The following GDAP1 variants were observed in gnomAD, a reference collection of about 807,000 sequenced individuals.
The protein encoded by GDAP1 is ganglioside-induced differentiation-associated protein 1.
Under a neutral mutation model 40.1 loss-of-function variants are expected in GDAP1, and 34 were observed. The observed-to-expected ratio is 0.85, with a 90% CI of 0.64 to 1.13. GDAP1 has a LOEUF of 1.13. Ranked by LOEUF, GDAP1 falls within the 50% of genes most tolerant of loss-of-function variation. GDAP1 has a pLI of 0.00. For synonymous variants in GDAP1, 170 were observed against 157.4 expected, an observed-to-expected ratio of 1.08 and a Z score of -0.60; for missense variants, 374 against 433.7, an observed-to-expected ratio of 0.86 and a Z score of 1.22.
At chr8:74,447,288 A>C (rs1806241354) in intron 2 of GDAP1, among the ~76,000 whole-genome samples, 1 of 152,124 alleles carries the variant, frequency 6.6e-6, no homozygotes, top group South Asian at 2.1e-4. Context: ...CTTTCTCATT[A>C]ACAAAATTAT....
At chr8:74,372,645 C>G (rs1809774486) in intron 2 of GDAP1, among the ~76,000 whole-genome samples, 1 of 152,102 alleles carries the variant, frequency 6.6e-6, no homozygotes, top group Non-Finnish European at 1.5e-5. Context: ...TGTTTGAGTT[C>G]TTTGTAGATT....
intron 2 of GDAP1, among the ~76,000 whole-genome samples, chr8:74,459,471 G>T (rs1250190208): frequency 6.6e-6 from 1 of 152,128 alleles, no homozygotes; most frequent in Non-Finnish European, 1.5e-5. Flanking sequence ...GTTTTGTCTG[G>T]GATTCTGCAT....
At chr8:74,386,322 G>T (rs1269544085) in intron 2 of GDAP1, among the ~76,000 whole-genome samples, 1 of 152,164 alleles carries the variant, frequency 6.6e-6, no homozygotes, top group African/African-American at 2.4e-5. Flanking sequence ...GTGATTTTAG[G>T]TCTTATGTTT....
intron 2 of GDAP1, among the ~76,000 whole-genome samples, chr8:74,442,674 A>G (rs1026036699): frequency 3.9e-5 from 6 of 152,216 alleles, no homozygotes; most frequent in African/African-American, 1.4e-4. Flanking sequence ...TTATGACTGA[A>G]GTCTTTAAGT....
At chr8:74,373,873 G>C (rs187020698) in intron 2 of GDAP1, among the ~76,000 whole-genome samples, 7 of 152,222 alleles carry the variant, frequency 4.6e-5, no homozygotes, top group African/African-American at 1.4e-4. Flanking sequence ...TGTCCATTCA[G>C]TATGATATTG....
intron 2 of GDAP1, among the ~76,000 whole-genome samples, chr8:74,438,389 G>A (rs1806119940): frequency 6.6e-6 from 1 of 152,154 alleles, no homozygotes; most frequent in African/African-American, 2.4e-5. Flanking sequence ...CTGTGTATGA[G>A]AATTTGACTT....
chr8:74,350,704 C>A, intron 1 of GDAP1, 126 bp downstream of exon 1: 1 of 750,650 alleles, frequency 1.3e-6, no homozygotes, highest in Non-Finnish European at 2.4e-6. Context: ...TGACCCCGGG[C>A]AGGCGCTCCC....
intron 2 of GDAP1, among the ~76,000 whole-genome samples, chr8:74,391,705 C>T (rs917397831): frequency 1.1e-4 from 17 of 152,022 alleles, no homozygotes; most frequent in African/African-American, 4.1e-4. Context: ...GTTAATATTA[C>T]TGGTTAATTT....
chr8:74,392,949 T>C (rs1220096217), intron 2 of GDAP1, among the ~76,000 whole-genome samples: 1 of 152,212 alleles, frequency 6.6e-6, no homozygotes, highest in Non-Finnish European at 1.5e-5. Flanking sequence ...TTTGGCAGTT[T>C]GTTACAGAAG....
In GDAP1 at chr8:74,429,835, G is replaced by T. The variant is rs141253205; in HGVS notation, c.166-58843G>T. Among the ~76,000 whole-genome samples the T allele has an allele frequency of 7.4e-4, 112 of 152,134 alleles. 3 individuals carry two copies. The South Asian group carries it at 0.022, about 30-fold the overall frequency. ...ATGTATGTACAGTCAATAAAGGAAA[G>T]AATATAATATTTTTAATTATATTTA... On this transcript the variant is annotated intron_variant, in intron 2 of 2. Transcript: ENST00000523640.
downstream of GDAP1, among the ~76,000 whole-genome samples, chr8:74,369,691 CATTT>C (rs1809715907): frequency 6.6e-6 from 1 of 151,702 alleles, no homozygotes; most frequent in African/African-American, 2.4e-5. Flanking sequence ...GATGAAAAAA[CATTT>C]ACTTACTCGT....
At position 74,360,164 on chromosome 8, in the gene GDAP1, A is replaced by G. The variant is rs1290008555; in HGVS notation, c.338A>G (p.Lys113Arg). 5.0e-6 allele frequency: 8 copies of G among 1,613,552 alleles called. No individual in the cohort carries two copies. Among genetic ancestry groups the G allele is most frequent in the Non-Finnish European group, 6.8e-6 (8 of 1,179,552 alleles). ...AGAACACCCAGGTTAATGCCTGATA[A>G]AGAAAGCATGTATTACCCACGGGTA... ...DERTPRLMPD[K>R]ESMYYPRVQH... The change falls in exon 3 of 6, where the codon AAA (lysine) becomes AGA (arginine). Residue 113 changes from lysine (K) to arginine (R), a missense_variant. Coordinates refer to ENST00000220822, the MANE Select transcript of GDAP1 (RefSeq NM_018972.4).
chr8:74,457,839 G>A (rs1458394047), intron 2 of GDAP1, among the ~76,000 whole-genome samples: 11 of 152,114 alleles, frequency 7.2e-5, no homozygotes, highest in African/African-American at 2.7e-4. Context: ...ATGACTCAGT[G>A]ATCAGAGGCA....
chr8:74,399,428 A>C (rs1810277697), intron 2 of GDAP1, among the ~76,000 whole-genome samples: 1 of 148,442 alleles, frequency 6.7e-6, no homozygotes, highest in Non-Finnish European at 1.5e-5. Flanking sequence ...TGTCTATTTG[A>C]TTCTTCTCTC....
At chr8:74,445,810 A>C (rs1274865114) in intron 2 of GDAP1, among the ~76,000 whole-genome samples, 1 of 152,216 alleles carries the variant, frequency 6.6e-6, no homozygotes, top group Non-Finnish European at 1.5e-5. Flanking sequence ...AAATTAAAAT[A>C]TAGTCACTGC....
intron 2 of GDAP1, among the ~76,000 whole-genome samples, chr8:74,444,062 T>C (rs552565747): frequency 6.6e-6 from 1 of 152,086 alleles, no homozygotes; most frequent in East Asian, 1.9e-4. Context: ...TTTTATATAA[T>C]GTAATAGGGT....
At chr8:74,465,938 C>T (rs1244084204) in intron 2 of GDAP1, among the ~76,000 whole-genome samples, 1 of 152,122 alleles carries the variant, frequency 6.6e-6, no homozygotes, top group East Asian at 1.9e-4. Context: ...TTTTAAAAAA[C>T]ACATAAATTG....
intron 2 of GDAP1, among the ~76,000 whole-genome samples, chr8:74,399,315 A>T (rs1347679536): frequency 6.7e-6 from 1 of 149,980 alleles, no homozygotes; most frequent in Non-Finnish European, 1.5e-5. Context: ...CATTTCTTCT[A>T]GATTTTCTAG....
At chr8:74,351,777 C>T (rs908469921) in intron 2 of GDAP1, among the ~76,000 whole-genome samples, 4 of 152,144 alleles carry the variant, frequency 2.6e-5, no homozygotes, top group Non-Finnish European at 5.9e-5. Flanking sequence ...GTCTTAAATT[C>T]ATAATATTCT....
Sources: gnomAD v4.1 joint callset for allele counts (sites outside exome capture counted in the v4.1 genomes callset) on GRCh38, gnomAD v4.1.1 for gene constraint, MANE v1.5 for transcripts, NCBI Gene and HGNC (gene_info 2026-07-23, HGNC 2026-07-21) for gene names.